Variants in CNKSR3 observed in about 807,000 individuals in gnomAD.
CNKSR3 encodes the protein connector enhancer of kinase suppressor of ras 3.
Under a neutral mutation model 67.7 loss-of-function variants are expected in CNKSR3, and 36 were observed. That is an observed-to-expected ratio of 0.53 (90% CI 0.41 to 0.70). The LOEUF is 0.70. Ranked by LOEUF, CNKSR3 falls within the 30% of genes least tolerant of loss-of-function variation. CNKSR3 has a pLI of 0.00. For missense variants in CNKSR3, 630 were observed against 695.2 expected (o/e 0.91, Z 1.05); for synonymous variants, 281 against 271.4 (o/e 1.04, Z -0.35).
At chr6:154,500,976 G>A (rs111756627) in intron 1 of CNKSR3, among the ~76,000 whole-genome samples, 3 of 152,152 alleles carry the variant, frequency 2.0e-5, no homozygotes, top group Non-Finnish European at 4.4e-5. Context: ...ACTAGCCGCA[G>A]CAAAAAGTGC....
At chr6:154,436,924 C>T (rs1785482964) in intron 4 of CNKSR3, among the ~76,000 whole-genome samples, 1 of 151,938 alleles carries the variant, frequency 6.6e-6, no homozygotes, top group South Asian at 2.1e-4. Flanking sequence ...AGTTTCCTTG[C>T]AGGAGAAAAG....
intron 1 of CNKSR3, among the ~76,000 whole-genome samples, chr6:154,499,755 C>T (rs575578859): frequency 6.6e-6 from 1 of 152,074 alleles, no homozygotes; most frequent in African/African-American, 2.4e-5. Context: ...TAGGCGTGAG[C>T]CACTATGCCC....
intron 1 of CNKSR3, among the ~76,000 whole-genome samples, chr6:154,486,460 C>T (rs911203893): frequency 1.4e-5 from 2 of 145,954 alleles, no homozygotes; most frequent in African/African-American, 5.5e-5. Context: ...CCACGCCCAG[C>T]TAATTTTTAT....
rs534028036 is a variant in CNKSR3 at position 154,507,449 on chromosome 6, T to C, written c.52+2614A>G. Among the ~76,000 whole-genome samples, 5 of 152,262 alleles carry C rather than the reference T, an allele frequency of 3.3e-5. No homozygotes were observed. The East Asian group carries it at 9.6e-4, about 29-fold the overall frequency. ...TTATCAGTAGCATGTATTTATAAAA[T>C]AAAGGTTGGGTAAAGAGATTAGCAA... On this transcript the variant is annotated intron_variant, in intron 1 of 12. Transcript: ENST00000607772.
chr6:154,503,841 C>G (rs1787043903), intron 1 of CNKSR3, among the ~76,000 whole-genome samples: 1 of 152,046 alleles, frequency 6.6e-6, no homozygotes, highest in African/African-American at 2.4e-5. Flanking sequence ...GTCATCATTC[C>G]AGAATGTAAA....
intron 6 of CNKSR3, among the ~76,000 whole-genome samples, chr6:154,429,607 A>G (rs999415948): frequency 6.6e-6 from 1 of 152,150 alleles, no homozygotes; most frequent in African/African-American, 2.4e-5. Context: ...CTGCTCACTA[A>G]GAATGTGGGC....
chr6:154,445,288 A>G (rs1785686609), intron 2 of CNKSR3, among the ~76,000 whole-genome samples: 1 of 152,160 alleles, frequency 6.6e-6, no homozygotes, highest in Non-Finnish European at 1.5e-5. Context: ...TCTAAATGTG[A>G]TATTCATTTT....
At position 154,400,572 on chromosome 6, in the gene CNKSR3, C is replaced by T. The variant is rs1247606922; in HGVS notation, c.*5782G>A. On this transcript the variant is annotated 3_prime_UTR_variant, in exon 13 of 13. Coordinates refer to ENST00000607772, the MANE Select transcript of CNKSR3 (RefSeq NM_173515.4). ...TGTTGCTTATAGACAAAATTTCTCT[C>T]CTCTATCCAAATCAGTAGGCCATAG... The T allele has an allele frequency of 6.6e-6, 1 of 152,130 alleles. No individual in the cohort carries two copies. Among genetic ancestry groups the T allele is most frequent in the Non-Finnish European group, 1.5e-5 (1 of 68,028 alleles). The allele number at this position is 152,130 out of a possible 1,614,324, so 9.4% of individuals were successfully genotyped here.
At chr6:154,488,758 A>C (rs2114646716) in intron 1 of CNKSR3, among the ~76,000 whole-genome samples, 1 of 152,356 alleles carries the variant, frequency 6.6e-6, no homozygotes, top group South Asian at 2.1e-4. Flanking sequence ...AAGAGATCAT[A>C]TACTCAGAAA....
chr6:154,476,444 C>A lies in CNKSR3; in HGVS notation c.53-26186G>T, dbSNP rs7756829. On this transcript the variant is annotated intron_variant, in intron 1 of 12. Transcript: ENST00000607772. ...TGCACTCCAGCCTGGGCAACAAGAGCGAAACTATGTCTCAAAAAAAAAAAA... is the reference window on the plus strand; with the variant it reads ...TGCACTCCAGCCTGGGCAACAAGAGAGAAACTATGTCTCAAAAAAAAAAAA... 6.5e-4 allele frequency among the ~76,000 whole-genome samples: 86 copies of A among 132,716 alleles called. 1 individual carries two copies. The highest frequency in any genetic ancestry group is 2.5e-3 in the African/African-American group (83 of 32,720). 87.1% of individuals were successfully genotyped at this position (132,716 alleles called of 152,430 possible). A position where few individuals can be genotyped will look rare whatever the true frequency, so the allele number is the denominator to read the frequency against.
At chr6:154,498,427 T>C (rs529593516) in intron 1 of CNKSR3, among the ~76,000 whole-genome samples, 39 of 151,592 alleles carry the variant, frequency 2.6e-4, no homozygotes, top group African/African-American at 8.7e-4. Context: ...TACAGCTTCA[T>C]TTGACAAGAA....
At chr6:154,421,741 CT>C (rs989377840) in intron 9 of CNKSR3, among the ~76,000 whole-genome samples, 2 of 152,200 alleles carry the variant, frequency 1.3e-5, no homozygotes, top group African/African-American at 4.8e-5. Flanking sequence ...CAACCCTCCC[CT>C]GGTAAAGCGC....
At chr6:154,410,866 A>C in intron 11 of CNKSR3, 68 bp downstream of exon 11, 1 of 1,273,130 alleles carries the variant, frequency 7.9e-7, no homozygotes, top group Non-Finnish European at 1.1e-6. Flanking sequence ...AACAGTTCCA[A>C]CTAAGGCAGG....
intron 1 of CNKSR3, among the ~76,000 whole-genome samples, chr6:154,469,105 T>C (rs1786269300): frequency 6.6e-6 from 1 of 152,238 alleles, no homozygotes; most frequent in Admixed American, 6.5e-5. Flanking sequence ...TTATTGCTGT[T>C]AATGACATCT....
intron 1 of CNKSR3, among the ~76,000 whole-genome samples, chr6:154,480,619 AT>A (rs1786546730): frequency 6.6e-6 from 1 of 152,248 alleles, no homozygotes; most frequent in Non-Finnish European, 1.5e-5. Flanking sequence ...AAGAGCCTTT[AT>A]TAACCATCAT....
intron 4 of CNKSR3, among the ~76,000 whole-genome samples, chr6:154,434,747 T>C (rs1299994211): frequency 1.3e-5 from 2 of 152,210 alleles, no homozygotes; most frequent in African/African-American, 2.4e-5. Context: ...GTGAATTTGA[T>C]ATTATCTTAA....
intron 1 of CNKSR3, among the ~76,000 whole-genome samples, chr6:154,494,657 T>G (rs1205533765): frequency 6.6e-6 from 1 of 152,178 alleles, no homozygotes; most frequent in Non-Finnish European, 1.5e-5. Context: ...TAAGGGCTTA[T>G]TGGGCCAATG....
chr6:154,465,515 T>C (rs865842172), intron 1 of CNKSR3, among the ~76,000 whole-genome samples: 50 of 152,096 alleles, frequency 3.3e-4, no homozygotes, highest in African/African-American at 1.1e-3. Flanking sequence ...GCTGAGGAAC[T>C]GAGGCACCCA....
intron 1 of CNKSR3, among the ~76,000 whole-genome samples, chr6:154,486,281 T>C (rs1007460634): frequency 2.0e-5 from 3 of 150,542 alleles, no homozygotes; most frequent in Non-Finnish European, 4.4e-5. Context: ...GTCTTCTCTT[T>C]TCTCTCTCTC....
Sources: gnomAD v4.1 joint callset for allele counts (sites outside exome capture counted in the v4.1 genomes callset) on GRCh38, gnomAD v4.1.1 for gene constraint, MANE v1.5 for transcripts, NCBI Gene and HGNC (gene_info 2026-07-23, HGNC 2026-07-21) for gene names.